Variants in ICA1L observed in about 807,000 individuals in gnomAD.
ICA1L encodes islet cell autoantigen 1 like.
ICA1L carries 50 observed loss-of-function variants against 61.3 expected under a neutral mutation model. The observed-to-expected ratio is 0.82, with a 90% CI of 0.65 to 1.03. ICA1L has a LOEUF of 1.03. ICA1L is among the 50% of genes least tolerant of loss of function. The probability of loss-of-function intolerance (pLI) is 0.00; values close to 1 mark genes in which losing one functional copy is unlikely to be tolerated. For synonymous variants in ICA1L, 161 were observed against 191.3 expected (o/e 0.84, Z 1.31); for missense variants, 508 against 556.7 (o/e 0.91, Z 0.88).
intron 4 of ICA1L, 87 bp downstream of exon 4, chr2:202,821,271 G>T: frequency 1.5e-6 from 2 of 1,305,120 alleles, no homozygotes; most frequent in Non-Finnish European, 1.1e-6. Flanking sequence ...AATGAACAGT[G>T]ACCTTTACAA....
rs1692209373 is a variant in ICA1L at position 202,776,054 on chromosome 2, G to C, written c.*3479C>G. Reference sequence around the variant, plus strand: ...TGTAAACTTCCTTCGTTCTAATGCTGTAAGACCTCTACATTTCTAGATGGT... The same window carrying C: ...TGTAAACTTCCTTCGTTCTAATGCTCTAAGACCTCTACATTTCTAGATGGT... On this transcript the variant is annotated 3_prime_UTR_variant, in exon 13 of 13. Coordinates refer to ENST00000358299, the MANE Select transcript of ICA1L (RefSeq NM_001288622.3). 6.6e-6 allele frequency: 1 copy of C among 152,216 alleles called. No individual in the cohort carries two copies. The allele number at this position is 152,216 out of a possible 1,614,324, so 9.4% of individuals were successfully genotyped here. A position where few individuals can be genotyped will look rare whatever the true frequency, so the allele number is the denominator to read the frequency against.
At chr2:202,798,423 T>C (rs1559131101) in intron 9 of ICA1L, among the ~76,000 whole-genome samples, 1 of 152,072 alleles carries the variant, frequency 6.6e-6, no homozygotes, top group Non-Finnish European at 1.5e-5. Context: ...AAATTTTTTG[T>C]AGAAACAGGG....
chr2:202,808,720 T>G (rs1479504284), intron 9 of ICA1L, among the ~76,000 whole-genome samples: 1 of 152,012 alleles, frequency 6.6e-6, no homozygotes. Context: ...AGAACAAGAG[T>G]CTCTGCCTGG....
Position 202,841,354 on chromosome 2 carries a change from A to T in ICA1L, c.-7-12338T>A, listed in dbSNP as rs1273823293. On this transcript the variant is annotated intron_variant, in intron 1 of 12. Transcript: ENST00000358299. ...AGCTGCTGCTTAAGGCTGTTGATGT[A>T]GCTCTCGAACATGTTGTCCGTGTTG... 3 of 824,914 alleles carry T rather than the reference A, an allele frequency of 3.6e-6. No individual in the cohort carries two copies. The East Asian group carries it at 7.3e-5, about 20-fold the overall frequency. 51.1% of individuals were successfully genotyped at this position (824,914 alleles called of 1,614,324 possible).
chr2:202,794,721 G>GA (rs2105827471), intron 10 of ICA1L, among the ~76,000 whole-genome samples: 2 of 151,872 alleles, frequency 1.3e-5, no homozygotes, highest in East Asian at 3.9e-4. Flanking sequence ...ATATATAATG[G>GA]AAAAGAAAAC....
At chr2:202,806,685 A>AT in intron 9 of ICA1L, among the ~76,000 whole-genome samples, 1 of 151,318 alleles carries the variant, frequency 6.6e-6, no homozygotes, top group Non-Finnish European at 1.5e-5. Flanking sequence ...AAAAGAAAAT[A>AT]TTTTTTCTTT....
intron 1 of ICA1L, chr2:202,841,243 C>T: frequency 1.4e-6 from 1 of 723,948 alleles, no homozygotes; most frequent in South Asian, 1.4e-5. Context: ...ATCTCATCCT[C>T]ATATTTGTTC....
At chr2:202,795,043 G>T (rs1459861970) in intron 10 of ICA1L, among the ~76,000 whole-genome samples, 1 of 144,902 alleles carries the variant, frequency 6.9e-6, no homozygotes. Context: ...AGCCTTACCA[G>T]ATACTAAAAC....
intron 12 of ICA1L, among the ~76,000 whole-genome samples, chr2:202,785,037 G>A (rs1692536375): frequency 6.6e-6 from 1 of 151,890 alleles, no homozygotes; most frequent in African/African-American, 2.4e-5. Context: ...GGGTAGCATA[G>A]TGAAACCCTG....
intron 1 of ICA1L, among the ~76,000 whole-genome samples, chr2:202,837,613 T>C (rs982669159): frequency 6.6e-6 from 1 of 152,086 alleles, no homozygotes; most frequent in African/African-American, 2.4e-5. Flanking sequence ...TTTTCTACTG[T>C]TTTTCTAGTC....
chr2:202,840,266 G>A (rs1689095847), intron 1 of ICA1L: 4 of 442,068 alleles, frequency 9.0e-6, no homozygotes, highest in East Asian at 6.5e-5. Flanking sequence ...CCTGCACAGC[G>A]GCCTCCCTCC....
intron 1 of ICA1L, among the ~76,000 whole-genome samples, chr2:202,855,055 A>G (rs1694733126): frequency 6.6e-6 from 1 of 151,708 alleles, no homozygotes. Context: ...ACTACTGGGC[A>G]AATAATGAAA....
rs1207710049 is a variant in ICA1L, at chr2:202,871,744, G to C, written c.-133C>G. ...GCCCTCCGGCAGCCAGTGCCCCTCC[G>C]CACCAGTGCGTGGAGGTGTCAGGCT... On this transcript the variant is annotated 5_prime_UTR_variant, in exon 1 of 13. Coordinates refer to ENST00000358299, the MANE Select transcript of ICA1L (RefSeq NM_001288622.3). 4 of 152,344 alleles carry C rather than the reference G, an allele frequency of 2.6e-5. No individual in the cohort carries two copies. The highest frequency in any genetic ancestry group is 7.2e-5 in the African/African-American group (3 of 41,442). The allele number at this position is 152,344 out of a possible 1,614,324, so 9.4% of individuals were successfully genotyped here.
intron 3 of ICA1L, among the ~76,000 whole-genome samples, chr2:202,823,638 G>C (rs993427585): frequency 3.9e-5 from 6 of 152,104 alleles, no homozygotes; most frequent in Admixed American, 3.3e-4. Context: ...GCCTATGCAG[G>C]CTGTTCTCAT....
In ICA1L at chr2:202,828,944, T is replaced by G; in HGVS notation, c.66A>C (p.Lys22Asn). 6.2e-7 allele frequency: 1 copy of G among 1,612,564 alleles called. No homozygotes were observed. Among genetic ancestry groups the G allele is most frequent in the Non-Finnish European group, 8.5e-7 (1 of 1,179,376 alleles). Reference sequence around the variant, plus strand: ...TAAAGACCTGTTTAGTTTTCCAGTATTTCTTTTGCATTCTTCTGACTACTG... The same window carrying G: ...TAAAGACCTGTTTAGTTTTCCAGTAGTTCTTTTGCATTCTTCTGACTACTG... Reference protein sequence around the residue: ...NQSVVRRMQKKYWKTKQVFIK... With the variant: ...NQSVVRRMQKNYWKTKQVFIK... The change falls in exon 2 of 13, where the codon AAA (lysine) becomes AAC (asparagine). Residue 22 changes from lysine (K) to asparagine (N), a missense_variant. By Grantham distance (94) the Lys-to-Asn change is moderately conservative. Transcript: ENST00000358299.
At chr2:202,823,185 T>C (rs1693744488) in intron 3 of ICA1L, among the ~76,000 whole-genome samples, 1 of 152,166 alleles carries the variant, frequency 6.6e-6, no homozygotes, top group Admixed American at 6.5e-5. Flanking sequence ...GCTGCTTCTA[T>C]GTTGAGACCT....
At chr2:202,792,123 C>A (rs6435168) in intron 10 of ICA1L, among the ~76,000 whole-genome samples, 13,955 of 152,150 alleles carry the variant, frequency 0.092, 757 homozygotes, top group Non-Finnish European at 0.13. Context: ...AGCTGAGATC[C>A]TGCCACTGCA....
chr2:202,870,871 TC>T (rs1005304205), intron 1 of ICA1L: 1 of 152,170 alleles, frequency 6.6e-6, no homozygotes, highest in Admixed American at 6.5e-5. Context: ...CAGGATGGAC[TC>T]CCCGCTTTCC....
intron 1 of ICA1L, chr2:202,871,407 G>C (rs966376835): frequency 1.3e-5 from 2 of 152,152 alleles, no homozygotes. Flanking sequence ...GCAGGGCCTC[G>C]CCTGGAAGAA....
Sources: gnomAD v4.1 joint callset for allele counts (sites outside exome capture counted in the v4.1 genomes callset) on GRCh38, gnomAD v4.1.1 for gene constraint, MANE v1.5 for transcripts, NCBI Gene and HGNC (gene_info 2026-07-23, HGNC 2026-07-21) for gene names.